The following RGS6 variants were observed in gnomAD, a reference collection of about 807,000 sequenced individuals.
RGS6 encodes regulator of G-protein signaling 6.
Under a neutral mutation model 78.5 loss-of-function variants are expected in RGS6, and 30 were observed. The ratio of observed to expected loss-of-function variants is 0.38; its 90% CI spans 0.29 to 0.52. The LOEUF is 0.52. Ranked by LOEUF, RGS6 falls within the 20% of genes least tolerant of loss-of-function variation. The pLI, the probability that RGS6 is intolerant of heterozygous loss-of-function variation, is 0.85. For synonymous variants in RGS6, 206 were observed against 206.0 expected (o/e 1.00, Z 0.00); for missense variants, 495 against 609.7 (o/e 0.81, Z 1.98).
At chr14:72,440,196 G>A (rs2095131064) in intron 3 of RGS6, among the ~76,000 whole-genome samples, 1 of 152,062 alleles carries the variant, frequency 6.6e-6, no homozygotes, top group Admixed American at 6.5e-5. Context: ...TAACCATAGA[G>A]GACCAAAATC....
At chr14:72,588,738 C>A in the RGS6 span, among the ~76,000 whole-genome samples, 231 of 152,318 alleles carry the variant, frequency 1.5e-3, 5 homozygotes, top group East Asian at 0.033. Flanking sequence ...TTTCAGAAGG[C>A]AAGTTTCTGT....
chr14:72,111,209 G>A (rs916311791), intron 2 of RGS6, among the ~76,000 whole-genome samples: 2 of 152,142 alleles, frequency 1.3e-5, no homozygotes, highest in South Asian at 2.1e-4. Flanking sequence ...CACAGTTACT[G>A]TAAAAAGAAA....
chr14:72,575,025 G>C, the RGS6 span, among the ~76,000 whole-genome samples: 1 of 152,150 alleles, frequency 6.6e-6, no homozygotes, highest in Admixed American at 6.5e-5. Flanking sequence ...GGATTTCAAA[G>C]GATTCAAATC....
At chr14:71,969,826 A>G (rs1300926331) in intron 2 of RGS6, among the ~76,000 whole-genome samples, 2 of 152,234 alleles carry the variant, frequency 1.3e-5, no homozygotes, top group Admixed American at 1.3e-4. Context: ...CCTTTCTGCA[A>G]TGATTTCAAA....
intron 12 of RGS6, among the ~76,000 whole-genome samples, chr14:72,492,250 G>C (rs1288109145): frequency 6.6e-6 from 1 of 152,196 alleles, no homozygotes; most frequent in Non-Finnish European, 1.5e-5. Context: ...AGGGAAAACT[G>C]TATTTGTGCT....
chr14:72,003,741 G>GT (rs1247543317), intron 2 of RGS6, among the ~76,000 whole-genome samples: 2 of 152,118 alleles, frequency 1.3e-5, no homozygotes, highest in Non-Finnish European at 2.9e-5. Flanking sequence ...GGAGGACTGG[G>GT]TAAAAGGAGA....
At chr14:72,048,689 A>ATT (rs111722767) in intron 2 of RGS6, among the ~76,000 whole-genome samples, 3 of 150,400 alleles carry the variant, frequency 2.0e-5, no homozygotes, top group African/African-American at 7.3e-5. Context: ...CTTTTTGCAG[A>ATT]TTTTTTTTTT....
chr14:72,596,886 T>A, the RGS6 span, among the ~76,000 whole-genome samples: 1 of 152,182 alleles, frequency 6.6e-6, no homozygotes, highest in African/African-American at 2.4e-5. Context: ...ACAAGTTACT[T>A]AACCTCACCA....
chr14:72,153,293 G>T (rs184174924), intron 2 of RGS6, among the ~76,000 whole-genome samples: 1 of 152,312 alleles, frequency 6.6e-6, no homozygotes, highest in East Asian at 1.9e-4. Flanking sequence ...TGACAGCCTC[G>T]CATTATCTGG....
rs199832201 is a variant in RGS6, at chr14:71,956,535, AAGTTTG to A, written c.-20-8234_-20-8229del. Reference sequence around the variant, plus strand: ...TCAAAACTGAAGAACTTGTAGTCCCAAGTTTGAGGGCAGGAAGCATCCAGCAAGGGA... The same window carrying A: ...TCAAAACTGAAGAACTTGTAGTCCCAAGGGCAGGAAGCATCCAGCAAGGGA... On this transcript the variant is annotated intron_variant, in intron 1 of 17. Transcript: ENST00000553525. Among the ~76,000 whole-genome samples the A allele has an allele frequency of 4.4e-3, 676 of 152,168 alleles. 8 individuals carry two copies. The highest frequency in any genetic ancestry group is 0.015 in the African/African-American group (643 of 41,492).
intron 2 of RGS6, among the ~76,000 whole-genome samples, chr14:72,301,691 A>G (rs1466253972): frequency 6.6e-6 from 1 of 152,164 alleles, no homozygotes; most frequent in Non-Finnish European, 1.5e-5. Context: ...GCTGCCAAGA[A>G]GAATCTGTGC....
chr14:72,337,262 C>T (rs1341221894), intron 2 of RGS6, among the ~76,000 whole-genome samples: 2 of 150,422 alleles, frequency 1.3e-5, no homozygotes, highest in Non-Finnish European at 3.0e-5. Context: ...ACCCCCACCA[C>T]CTAACCAACA....
chr14:72,600,604 T>A, the RGS6 span, among the ~76,000 whole-genome samples: 157 of 151,332 alleles, frequency 1.0e-3, 2 homozygotes, highest in South Asian at 0.029. Context: ...CACACAATTT[T>A]ACAGACAAAT....
chr14:72,259,910 C>CAAAAAAAAAAAAACAAAAAAAAAA (rs2057814696), intron 2 of RGS6, among the ~76,000 whole-genome samples: 1 of 68,410 alleles, frequency 1.5e-5, no homozygotes, highest in Non-Finnish European at 2.3e-5. Context: ...GACTCCGTCT[C>CAAAAAAAAAAAAACAAAAAAAAAA]AAAAAAAAAA....
chr14:72,288,209 A>G (rs187137993), intron 2 of RGS6, among the ~76,000 whole-genome samples: 29 of 152,244 alleles, frequency 1.9e-4, no homozygotes, highest in African/African-American at 6.8e-4. Flanking sequence ...CAGTGAATCC[A>G]TAATGGAAAT....
intron 16 of RGS6, chr14:72,537,809 G>A: frequency 4.3e-6 from 2 of 463,928 alleles, no homozygotes; most frequent in Non-Finnish European, 7.7e-6. Context: ...ACCAGTCTAG[G>A]CCTGTCTACA....
chr14:72,185,975 C>T (rs1219800063), intron 2 of RGS6, among the ~76,000 whole-genome samples: 1 of 152,236 alleles, frequency 6.6e-6, no homozygotes, highest in East Asian at 1.9e-4. Context: ...ACACATCAAC[C>T]ACTTTCCTAA....
chr14:72,485,727 G>A lies in RGS6; in HGVS notation c.854+7398G>A, dbSNP rs116704942. Among the ~76,000 whole-genome samples the A allele has an allele frequency of 4.5e-3, 690 of 152,312 alleles. 6 individuals carry two copies. The highest frequency in any genetic ancestry group is 0.016 in the African/African-American group (664 of 41,572). On this transcript the variant is annotated intron_variant, in intron 12 of 17. Coordinates refer to ENST00000553525, the MANE Select transcript of RGS6 (RefSeq NM_001204424.2). ...CTTGGCTCCCAGAATACAAGAAGGGGCTGTGGAATTGAACCCTGGGAAAGG... is the reference window on the plus strand; with the variant it reads ...CTTGGCTCCCAGAATACAAGAAGGGACTGTGGAATTGAACCCTGGGAAAGG...
intron 3 of RGS6, among the ~76,000 whole-genome samples, chr14:72,415,309 G>A (rs1018804682): frequency 3.3e-5 from 5 of 149,340 alleles, no homozygotes; most frequent in East Asian, 1.9e-4. Context: ...AGCAATGAGC[G>A]AAGCTCCGTG....
Sources: allele counts gnomAD v4.1 joint callset (sites outside exome capture counted in the v4.1 genomes callset), GRCh38; gene constraint gnomAD v4.1.1; transcripts MANE v1.5; gene names NCBI Gene and HGNC (gene_info 2026-07-23, HGNC 2026-07-21).